ZNF44: variants seen among roughly 807,000 people sequenced by gnomAD.
The protein encoded by ZNF44 is gonadotropin inducible transcription repressor-2.
In ZNF44, 9 loss-of-function variants were observed where a neutral mutation model predicts 11.7. That is an observed-to-expected ratio of 0.77 (90% confidence interval 0.46 to 1.35). The LOEUF is 1.35. Among genes scored for constraint, ZNF44 ranks in the 40% most tolerant of loss-of-function variants. ZNF44 has a pLI of 0.00. For missense variants in ZNF44, 696 were observed against 743.1 expected (o/e 0.94, Z 0.74); for synonymous variants, 224 against 242.7 (o/e 0.92, Z 0.72).
At chr19:12,280,792 T>C (rs779287245) in intron 1 of ZNF44, among the ~76,000 whole-genome samples, 1 of 152,134 alleles carries the variant, frequency 6.6e-6, no homozygotes, top group Non-Finnish European at 1.5e-5. Context: ...CAAAAGAAAT[T>C]TGGAAGACCT....
In ZNF44 at chr19:12,274,998, G is replaced by T; in HGVS notation, c.166C>A (p.His56Asn). The T allele has an allele frequency of 6.3e-7, 1 of 1,590,234 alleles. No homozygotes were observed. The highest frequency in any genetic ancestry group is 1.7e-5 in the Admixed American group (1 of 57,650). ...CTTGGATTTCTCCTGAGATTTTGGT[G>T]CTGATCATCAATGTTCTGGTTTTCC... ...KWENQNIDDQ[H>N]QNLRRNPRCD... Residue 56 changes from histidine to asparagine, a missense_variant, in exon 3 of 4, where the codon CAC (histidine) becomes AAC (asparagine). His to Asn is a moderately conservative substitution (Grantham distance 68). Coordinates refer to ENST00000355684, the MANE Select transcript of ZNF44 (RefSeq NM_016264.4).
intron 3 of ZNF44, among the ~76,000 whole-genome samples, chr19:12,228,204 T>TTTTGAAGGTTTAAAAAAG (rs1232347524): frequency 8.5e-4 from 122 of 143,498 alleles, no homozygotes; most frequent in African/African-American, 3.0e-3. Context: ...AAAACAATTG[T>TTTTGAAGGTTTAAAAAAG]TTAACTTTTT....
upstream of ZNF44, among the ~76,000 whole-genome samples, chr19:12,240,580 A>G (rs2459006): frequency 1.3e-3 from 196 of 152,300 alleles, 1 homozygote; most frequent in African/African-American, 4.5e-3. Flanking sequence ...AACTACCATC[A>G]TCGAAACCAC....
chr19:12,237,815 G>GA (rs1313216304), upstream of ZNF44: 1 of 147,324 alleles, frequency 6.8e-6, no homozygotes, highest in Admixed American at 7.0e-5. Flanking sequence ...GCTTGGACGT[G>GA]ACCCCACACT....
At chr19:12,241,757 A>G (rs1916622987), upstream of ZNF44, among the ~76,000 whole-genome samples, 1 of 152,200 alleles carries the variant, frequency 6.6e-6, no homozygotes, top group Non-Finnish European at 1.5e-5. Context: ...AGCAGTATTC[A>G]GAGTAGTCAA....
rs1168927481 is a variant in ZNF44, at chr19:12,274,954, T to A, written c.191+19A>T. 1 of 1,566,408 alleles carries A rather than the reference T, an allele frequency of 6.4e-7. No homozygotes were observed. Among genetic ancestry groups the A allele is most frequent in the Non-Finnish European group, 8.7e-7 (1 of 1,152,512 alleles). On this transcript the variant is annotated intron_variant, in intron 3 of 3. Transcript: ENST00000355684. The stretch of plus-strand genomic sequence containing the variant: ...AAACACTGCAAGGACATCACCTGTC[T>A]CTTATAAGTACAAATTACCTTGGAT...
intron 1 of ZNF44, among the ~76,000 whole-genome samples, chr19:12,283,817 C>A (rs1457058307): frequency 2.0e-5 from 3 of 152,084 alleles, no homozygotes; most frequent in East Asian, 1.9e-4. Context: ...GAATTTGAAA[C>A]CAGCCCGGCA....
At chr19:12,228,823 A>G (rs972081337) in intron 3 of ZNF44, among the ~76,000 whole-genome samples, 1 of 152,218 alleles carries the variant, frequency 6.6e-6, no homozygotes, top group Admixed American at 6.5e-5. Context: ...AGCTATTTTC[A>G]TTAAACCAAT....
intron 5 of ZNF44, among the ~76,000 whole-genome samples, chr19:12,252,753 A>G (rs1451037613): frequency 6.6e-6 from 1 of 152,072 alleles, no homozygotes; most frequent in African/African-American, 2.4e-5. Flanking sequence ...AGTATAATCA[A>G]TATGTTAAGA....
At position 12,275,020 on chromosome 19, in the gene ZNF44, T is replaced by C; in HGVS notation, c.144A>G (p.Glu48=). ...GGTGCTGATCATCAATGTTCTGGTTTTCCCATTTCATTCCTAAAAGAGAGA... is the reference window on the plus strand; with the variant it reads ...GGTGCTGATCATCAATGTTCTGGTTCTCCCATTTCATTCCTAAAAGAGAGA... ...RNLNCIGMKW[E]NQNIDDQHQN... is the part of the protein sequence containing the mutation. Residue 48 remains glutamate (E), a synonymous_variant, in exon 3 of 4, where the codon GAA becomes GAG. Coordinates refer to ENST00000355684, the MANE Select transcript of ZNF44 (RefSeq NM_016264.4). 1 of 1,585,438 alleles carries C rather than the reference T, an allele frequency of 6.3e-7. No individual in the cohort carries two copies. Among genetic ancestry groups the C allele is most frequent in the Non-Finnish European group, 8.6e-7 (1 of 1,167,110 alleles).
intron 5 of ZNF44, among the ~76,000 whole-genome samples, chr19:12,258,331 CAAAAAAAAAAAA>C (rs145891891): frequency 5.4e-4 from 22 of 41,008 alleles, no homozygotes; most frequent in Non-Finnish European, 7.4e-4. Context: ...GATCTTGTCT[CAAAAAAAAAAAA>C]AAAAAAAAAA....
chr19:12,272,595 G>C lies in ZNF44; in HGVS notation c.1660C>G (p.His554Asp). The C allele has an allele frequency of 1.2e-6, 2 of 1,613,326 alleles. No homozygotes were observed. The highest frequency in any genetic ancestry group is 1.7e-6 in the Non-Finnish European group (2 of 1,179,726). The change falls in exon 4 of 4, where the codon CAC becomes GAC. Residue 554 changes from histidine (H) to aspartate (D), a missense_variant. His to Asp is a moderately conservative substitution (Grantham distance 81). Transcript: ENST00000355684. ...PSFLLRHERT[H>D]TGERPYECKH... ...CATTCATAGGGTCTTTCTCCAGTGT[G>C]AGTCCTTTCATGTCTTAGAAGGAAA...
chr19:12,283,899 G>A (rs1007260570), intron 1 of ZNF44, among the ~76,000 whole-genome samples: 2 of 152,174 alleles, frequency 1.3e-5, no homozygotes, highest in Admixed American at 6.5e-5. Flanking sequence ...TATAGTCCCA[G>A]CTACTTGGGA....
chr19:12,244,460 A>G (rs1916713718), downstream of ZNF44: 1 of 152,358 alleles, frequency 6.6e-6, no homozygotes, highest in South Asian at 2.1e-4. Flanking sequence ...TAACTGAGGT[A>G]CTTTATAGAT....
downstream of ZNF44, among the ~76,000 whole-genome samples, chr19:12,267,939 C>T (rs552956442): frequency 1.4e-4 from 21 of 151,266 alleles, no homozygotes; most frequent in Middle Eastern, 3.4e-3. Context: ...CAGGTTCAAG[C>T]GATTCTCCTG....
chr19:12,235,171 C>A (rs1426213874), intron 1 of ZNF44, among the ~76,000 whole-genome samples: 3 of 151,900 alleles, frequency 2.0e-5, no homozygotes, highest in African/African-American at 7.3e-5. Context: ...GGTCAGGAGA[C>A]ATCCTGGCTA....
upstream of ZNF44, among the ~76,000 whole-genome samples, chr19:12,241,827 G>A (rs1916626995): frequency 6.6e-6 from 1 of 152,174 alleles, no homozygotes; most frequent in Non-Finnish European, 1.5e-5. Context: ...AAAGTGTGGT[G>A]TATCCAATAT....
At chr19:12,294,016 A>G (rs1968129711) in intron 1 of ZNF44, among the ~76,000 whole-genome samples, 1 of 151,218 alleles carries the variant, frequency 6.6e-6, no homozygotes, top group Non-Finnish European at 1.5e-5. Flanking sequence ...CCTCCCTGAG[A>G]GTCAGGTCAC....
intron 1 of ZNF44, among the ~76,000 whole-genome samples, chr19:12,287,006 G>A (rs1277111011): frequency 6.6e-6 from 1 of 150,730 alleles, no homozygotes; most frequent in African/African-American, 2.4e-5. Context: ...ACCCTAAAAT[G>A]TGCATTCCTT....
Sources: gnomAD v4.1 joint callset for allele counts (sites outside exome capture counted in the v4.1 genomes callset) on GRCh38, gnomAD v4.1.1 for gene constraint, MANE v1.5 for transcripts, NCBI Gene and HGNC (gene_info 2026-07-23, HGNC 2026-07-21) for gene names.